The following PAPPA2 variants were observed in gnomAD, a reference collection of about 807,000 sequenced individuals.
The protein encoded by PAPPA2 is pappalysin-2.
In PAPPA2, 86 loss-of-function variants were observed where a neutral mutation model predicts 176.4. The ratio of observed to expected loss-of-function variants is 0.49; its 90% CI spans 0.41 to 0.58. The LOEUF (loss-of-function observed/expected upper bound fraction) is 0.58, where lower values mean the gene tolerates loss of function less well. PAPPA2 is among the 20% of genes least tolerant of loss of function. PAPPA2 has a pLI of 0.00. For missense variants in PAPPA2, 2,073 were observed against 2,256.9 expected (o/e 0.92, Z 1.65); for synonymous variants, 809 against 852.2 (o/e 0.95, Z 0.88).
intron 12 of PAPPA2, among the ~76,000 whole-genome samples, chr1:176,733,920 C>T (rs1247788081): frequency 6.6e-6 from 1 of 151,966 alleles, no homozygotes; most frequent in Admixed American, 6.6e-5. Flanking sequence ...AGAGTTGTCC[C>T]ACTCTGTATA....
intron 1 of PAPPA2, among the ~76,000 whole-genome samples, chr1:176,519,461 T>G (rs1558414092): frequency 6.6e-6 from 1 of 152,186 alleles, no homozygotes; most frequent in Non-Finnish European, 1.5e-5. Context: ...ACCAAAGGTA[T>G]GCTTTTCCCA....
chr1:176,763,359 C>T (rs899385757), intron 14 of PAPPA2, among the ~76,000 whole-genome samples: 11 of 152,254 alleles, frequency 7.2e-5, no homozygotes, highest in South Asian at 2.1e-4. Flanking sequence ...GTACTCAGAT[C>T]GAGGCCTTCC....
In PAPPA2 at chr1:176,481,099, G is replaced by A. The variant is rs143029937; in HGVS notation, c.-917+17681G>A. Among the ~76,000 whole-genome samples the A allele has an allele frequency of 7.9e-4, 120 of 152,266 alleles. No individual in the cohort carries two copies. The Middle Eastern group carries it at 0.01, about 13-fold the overall frequency. On this transcript the variant is annotated intron_variant, in intron 1 of 22. Coordinates refer to ENST00000367662, the MANE Select transcript of PAPPA2 (RefSeq NM_020318.3). ...AGGGTTTCTGAAAATAAGTTTGAACGTAAAGTGACGAAGAGGGAAGAGAAG... is the reference window on the plus strand; with the variant it reads ...AGGGTTTCTGAAAATAAGTTTGAACATAAAGTGACGAAGAGGGAAGAGAAG...
intron 17 of PAPPA2, among the ~76,000 whole-genome samples, chr1:176,779,386 A>G (rs1000315455): frequency 6.6e-6 from 1 of 151,614 alleles, no homozygotes; most frequent in Non-Finnish European, 1.5e-5. Context: ...TGATTCATAA[A>G]CTGTCTCCTG....
chr1:176,799,899 G>A (rs998493102), intron 20 of PAPPA2, among the ~76,000 whole-genome samples, 162 bp from the exon 21 acceptor site: 1 of 152,124 alleles, frequency 6.6e-6, no homozygotes, highest in Non-Finnish European at 1.5e-5. Context: ...CAGTGTGCAC[G>A]GGAAAGGCTA....
intron 4 of PAPPA2, among the ~76,000 whole-genome samples, chr1:176,686,438 T>C (rs137875393): frequency 8.3e-4 from 127 of 152,258 alleles, no homozygotes; most frequent in African/African-American, 3.0e-3. Flanking sequence ...CTCCACCTGG[T>C]CCCACTCTTG....
rs1411545887 is a variant in PAPPA2, at chr1:176,556,652, C to T, written c.330C>T (p.Asp110=). 3.7e-6 allele frequency: 6 copies of T among 1,614,186 alleles called. No homozygotes were observed. The Admixed American group carries it at 5.0e-5, about 13-fold the overall frequency. ...EGNAVSLVPP[D]LTENPAGLRG... ...ATGCTGTGAGCCTTGTTCCCCCAGA[C>T]CTGACTGAAAATCCAGCAGGACTGA... The change falls in exon 2 of 23, where the codon GAC becomes GAT. Residue 110 remains aspartate (D), a synonymous_variant. Transcript: ENST00000367662.
At chr1:176,766,525 T>A (rs1663971791) in intron 15 of PAPPA2, among the ~76,000 whole-genome samples, 1 of 152,238 alleles carries the variant, frequency 6.6e-6, no homozygotes, top group Non-Finnish European at 1.5e-5. Flanking sequence ...TCCTTAAGCT[T>A]GTTTTCACAT....
At chr1:176,657,888 A>G (rs1187806039) in intron 3 of PAPPA2, among the ~76,000 whole-genome samples, 1 of 151,994 alleles carries the variant, frequency 6.6e-6, no homozygotes, top group South Asian at 2.1e-4. Flanking sequence ...ACAGCAGGAT[A>G]ATATCAGTGA....
At chr1:176,777,793 T>A (rs551723634) in intron 17 of PAPPA2, among the ~76,000 whole-genome samples, 2 of 152,188 alleles carry the variant, frequency 1.3e-5, no homozygotes, top group African/African-American at 4.8e-5. Flanking sequence ...ATATTAAGCT[T>A]CAGTTCATCA....
chr1:176,722,218 C>T (rs1047381246), intron 12 of PAPPA2, among the ~76,000 whole-genome samples: 9 of 151,976 alleles, frequency 5.9e-5, no homozygotes, highest in African/African-American at 2.2e-4. Context: ...GACTTTAAAA[C>T]ATCGTATTTA....
Position 176,557,246 on chromosome 1 carries a change from C to T in PAPPA2, c.919+5C>T. ...ACAACCCAGCCATCATCGCAGGTAACACCCTTCTCCTGGGCTTTCTGAAAT... is the reference window on the plus strand; with the variant it reads ...ACAACCCAGCCATCATCGCAGGTAATACCCTTCTCCTGGGCTTTCTGAAAT... On this transcript the variant is annotated splice_donor_5th_base_variant and intron_variant, in intron 2 of 22. Coordinates refer to ENST00000367662, the MANE Select transcript of PAPPA2 (RefSeq NM_020318.3). 6.4e-7 allele frequency: 1 copy of T among 1,568,426 alleles called. No individual in the cohort carries two copies. The highest frequency in any genetic ancestry group is 8.6e-7 in the Non-Finnish European group (1 of 1,157,148).
At chr1:176,767,075 G>T (rs1356550515) in intron 15 of PAPPA2, among the ~76,000 whole-genome samples, 4 of 152,118 alleles carry the variant, frequency 2.6e-5, no homozygotes, top group Admixed American at 6.5e-5. Context: ...CAACTTCTTG[G>T]TCTGTGAAGC....
Position 176,692,338 on chromosome 1 carries a change from T to C in PAPPA2, c.2624+20T>C. 6.3e-7 allele frequency: 1 copy of C among 1,577,122 alleles called. No individual in the cohort carries two copies. The highest frequency in any genetic ancestry group is 1.1e-5 in the South Asian group (1 of 88,748). Reference sequence around the variant, plus strand: ...TGACAGGTGAGAGAGGCACTGGCTGTGGGTGAGCTGGCTTATTTCTCTGTG... The same window carrying C: ...TGACAGGTGAGAGAGGCACTGGCTGCGGGTGAGCTGGCTTATTTCTCTGTG... On this transcript the variant is annotated intron_variant, in intron 6 of 22. Coordinates refer to ENST00000367662, the MANE Select transcript of PAPPA2 (RefSeq NM_020318.3).
At chr1:176,508,188 G>T (rs192108184) in intron 1 of PAPPA2, among the ~76,000 whole-genome samples, 7 of 152,134 alleles carry the variant, frequency 4.6e-5, no homozygotes, top group Non-Finnish European at 2.9e-5. Flanking sequence ...GAAAGACTAC[G>T]AAATCCATCA....
intron 3 of PAPPA2, among the ~76,000 whole-genome samples, chr1:176,623,709 T>TC (rs1655804259): frequency 9.3e-6 from 1 of 107,558 alleles, no homozygotes; most frequent in Non-Finnish European, 1.8e-5. Context: ...TTTCTTTCTT[T>TC]TCTTCTTTCT....
At chr1:176,624,796 C>T (rs375508744) in intron 3 of PAPPA2, among the ~76,000 whole-genome samples, 1 of 152,120 alleles carries the variant, frequency 6.6e-6, no homozygotes, top group Non-Finnish European at 1.5e-5. Context: ...TGTTTGGGAG[C>T]AAAGTCTACT....
intron 3 of PAPPA2, among the ~76,000 whole-genome samples, chr1:176,621,909 T>C (rs1343709586): frequency 2.6e-5 from 4 of 152,216 alleles, no homozygotes; most frequent in Non-Finnish European, 5.9e-5. Flanking sequence ...ACAGCACCTT[T>C]ATGGTGTTCT....
At chr1:176,572,531 G>A (rs2102615622) in intron 2 of PAPPA2, among the ~76,000 whole-genome samples, 1 of 152,276 alleles carries the variant, frequency 6.6e-6, no homozygotes, top group East Asian at 1.9e-4. Flanking sequence ...ATTTGGTTTT[G>A]TGTGGTCCCT....
Sources: allele counts gnomAD v4.1 joint callset (sites outside exome capture counted in the v4.1 genomes callset), GRCh38; gene constraint gnomAD v4.1.1; transcripts MANE v1.5; gene names NCBI Gene and HGNC (gene_info 2026-07-23, HGNC 2026-07-21).